The following IL1RAPL2 variants were observed in gnomAD, a reference collection of about 807,000 sequenced individuals.
IL1RAPL2 encodes the protein interleukin 1 receptor accessory protein like 2, also known as X-linked interleukin-1 receptor accessory protein-like 2.
IL1RAPL2 carries 3 observed loss-of-function variants against 44.1 expected under a neutral mutation model. The ratio of observed to expected loss-of-function variants is 0.07; its 90% CI spans 0.03 to 0.18. The LOEUF (loss-of-function observed/expected upper bound fraction) is 0.18, where lower values mean the gene tolerates loss of function less well. IL1RAPL2 is among the 10% of genes least tolerant of loss of function. The pLI, the probability that IL1RAPL2 is intolerant of heterozygous loss-of-function variation, is 1.00. For synonymous variants in IL1RAPL2, 181 were observed against 178.8 expected (o/e 1.01, Z -0.10); for missense variants, 391 against 496.4 (o/e 0.79, Z 2.02).
chrX:104,617,041 A>G (rs953499498), intron 1 of IL1RAPL2, among the ~76,000 whole-genome samples: 2 of 111,963 alleles, frequency 1.8e-5, no homozygotes, highest in Non-Finnish European at 3.8e-5. Context: ...CAATGTCCTG[A>G]ATGGTATTGC....
At chrX:104,970,723 A>G (rs1211342145) in intron 2 of IL1RAPL2, among the ~76,000 whole-genome samples, 3 of 111,229 alleles carry the variant, frequency 2.7e-5, no homozygotes, top group Non-Finnish European at 5.7e-5. Flanking sequence ...GTCAAGTCCT[A>G]CTTCCTACCT....
At chrX:104,768,844 C>T (rs748797218) in intron 2 of IL1RAPL2, among the ~76,000 whole-genome samples, 3 of 111,309 alleles carry the variant, frequency 2.7e-5, no homozygotes, top group Non-Finnish European at 5.7e-5. Context: ...CTATGCTTGC[C>T]TCTTTATTCA....
chrX:105,304,802 G>A (rs1348180581), intron 5 of IL1RAPL2, among the ~76,000 whole-genome samples: 1 of 111,836 alleles, frequency 8.9e-6, no homozygotes, highest in Non-Finnish European at 1.9e-5. Context: ...TACTTGTTTT[G>A]CTCAATGGAT....
intron 5 of IL1RAPL2, among the ~76,000 whole-genome samples, chrX:105,481,535 A>G (rs2147774710): frequency 8.9e-6 from 1 of 112,475 alleles, no homozygotes; most frequent in African/African-American, 3.2e-5. Flanking sequence ...AATGACCCCA[A>G]ACTCATCCTG....
At chrX:104,953,431 A>G (rs969233272) in intron 2 of IL1RAPL2, among the ~76,000 whole-genome samples, 1 of 112,023 alleles carries the variant, frequency 8.9e-6, no homozygotes, top group Non-Finnish European at 1.9e-5. Flanking sequence ...ATCCTACAGT[A>G]TCTATGTTTA....
chrX:105,620,515 A>G (rs975861271), intron 6 of IL1RAPL2, among the ~76,000 whole-genome samples: 5 of 110,622 alleles, frequency 4.5e-5, no homozygotes, highest in African/African-American at 1.6e-4. Flanking sequence ...TATTATCCCT[A>G]TTTTACAGAT....
rs188979740 is a variant in IL1RAPL2, at chrX:105,066,731, C to A, written c.83-128744C>A. ...GTGACATTTATTAAATATTATTCTT[C>A]ATCATGAAGGAGGCAAATTAGGGCA... On this transcript the variant is annotated intron_variant, in intron 2 of 10. Transcript: ENST00000372582. 3.6e-5 allele frequency among the ~76,000 whole-genome samples: 4 copies of A among 111,690 alleles called. No individual in the cohort carries two copies. In the Admixed American group the frequency reaches 3.8e-4, roughly 11 times the overall value.
At chrX:104,583,884 C>T (rs1928459739) in intron 1 of IL1RAPL2, among the ~76,000 whole-genome samples, 1 of 111,705 alleles carries the variant, frequency 9.0e-6, no homozygotes, top group Admixed American at 9.5e-5. Context: ...TTTCCTGACT[C>T]AGGAATTAAT....
intron 2 of IL1RAPL2, among the ~76,000 whole-genome samples, chrX:104,798,500 T>TAAA (rs397895099): frequency 1.1e-5 from 1 of 92,434 alleles, no homozygotes. Flanking sequence ...CTACTAAAAA[T>TAAA]AAAAAAAAAA....
chrX:105,362,743 G>C (rs1230571305), intron 5 of IL1RAPL2, among the ~76,000 whole-genome samples: 2 of 111,420 alleles, frequency 1.8e-5, no homozygotes, highest in Non-Finnish European at 3.8e-5. Context: ...TTAATGATCA[G>C]TGTGATTTAT....
At chrX:105,523,804 T>A (rs1258764325) in intron 6 of IL1RAPL2, among the ~76,000 whole-genome samples, 1 of 109,881 alleles carries the variant, frequency 9.1e-6, no homozygotes, top group Non-Finnish European at 1.9e-5. Context: ...GAAAAAAAAA[T>A]GATCAGCCTA....
intron 2 of IL1RAPL2, among the ~76,000 whole-genome samples, chrX:104,689,954 T>C (rs1479934660): frequency 8.9e-6 from 1 of 112,382 alleles, no homozygotes; most frequent in Non-Finnish European, 1.9e-5. Flanking sequence ...TATCTGTATG[T>C]CATTTGGTAC....
chrX:105,392,902 G>T (rs2035536788), intron 5 of IL1RAPL2, among the ~76,000 whole-genome samples: 1 of 112,017 alleles, frequency 8.9e-6, no homozygotes, highest in Non-Finnish European at 1.9e-5. Context: ...ATGTCTGTTG[G>T]CTCTACTCTT....
At chrX:105,281,109 T>C (rs2034528706) in intron 5 of IL1RAPL2, among the ~76,000 whole-genome samples, 1 of 111,779 alleles carries the variant, frequency 8.9e-6, no homozygotes, top group African/African-American at 3.3e-5. Context: ...AAGGATGAGT[T>C]CATGTCCTTT....
At chrX:105,127,844 TG>T (rs1249690196) in intron 2 of IL1RAPL2, among the ~76,000 whole-genome samples, 1 of 110,558 alleles carries the variant, frequency 9.0e-6, no homozygotes, top group Non-Finnish European at 1.9e-5. Flanking sequence ...GACAGACAAA[TG>T]AAAAAAATTT....
intron 1 of IL1RAPL2, among the ~76,000 whole-genome samples, chrX:104,618,808 C>T (rs1260461626): frequency 3.6e-5 from 4 of 111,233 alleles, no homozygotes; most frequent in Admixed American, 9.5e-5. Context: ...GTGCAGGGGG[C>T]CTTGCTATAC....
At chrX:104,631,873 T>C (rs1466514582) in intron 1 of IL1RAPL2, among the ~76,000 whole-genome samples, 2 of 109,993 alleles carry the variant, frequency 1.8e-5, no homozygotes, top group African/African-American at 3.3e-5. Context: ...ATTTTGGCTT[T>C]TGTTGCCATT....
At chrX:104,634,986 G>A (rs1298884043) in intron 1 of IL1RAPL2, among the ~76,000 whole-genome samples, 1 of 111,618 alleles carries the variant, frequency 9.0e-6, no homozygotes, top group Non-Finnish European at 1.9e-5. Flanking sequence ...GGTACTGACT[G>A]TTCCTTTCCA....
chrX:105,289,058 G>T (rs1012219730), intron 5 of IL1RAPL2, among the ~76,000 whole-genome samples: 5 of 110,503 alleles, frequency 4.5e-5, no homozygotes, highest in African/African-American at 1.6e-4. Flanking sequence ...ATTATGTATT[G>T]ATACTCTCTT....
Sources: allele counts gnomAD v4.1 joint callset (sites outside exome capture counted in the v4.1 genomes callset), GRCh38; gene constraint gnomAD v4.1.1; transcripts MANE v1.5; gene names NCBI Gene and HGNC (gene_info 2026-07-23, HGNC 2026-07-21).